Variants in DMD observed in about 807,000 individuals in gnomAD.
DMD encodes mutant dystrophin.
DMD carries 63 observed loss-of-function variants against 330.1 expected under a neutral mutation model. The ratio of observed to expected loss-of-function variants is 0.19; its 90% CI spans 0.16 to 0.24. The LOEUF (loss-of-function observed/expected upper bound fraction) is 0.24, where lower values mean the gene tolerates loss of function less well. DMD is among the 10% of genes least tolerant of loss of function. The pLI, the probability that DMD is intolerant of heterozygous loss-of-function variation, is 1.00. For synonymous variants in DMD, 1,223 were observed against 959.8 expected (o/e 1.27, Z -5.07); for missense variants, 3,344 against 2,684.1 (o/e 1.25, Z -5.43).
chrX:32,928,801 C>G (rs963831477), intron 2 of DMD, among the ~76,000 whole-genome samples: 4 of 111,842 alleles, frequency 3.6e-5, no homozygotes, highest in African/African-American at 1.3e-4. Flanking sequence ...TGCTTACAAT[C>G]AGATATTCTC....
rs754849100 is a variant in DMD, at chrX:31,893,317, T to C, written c.6913-17944A>G. 3.6e-5 allele frequency among the ~76,000 whole-genome samples: 4 copies of C among 111,236 alleles called. No individual in the cohort carries two copies. In the East Asian group the frequency reaches 1.1e-3, roughly 32 times the overall value. On this transcript the variant is annotated intron_variant, in intron 47 of 78. Coordinates refer to ENST00000357033, the MANE Select transcript of DMD (RefSeq NM_004006.3). ...TGAAAAGAAGCAACCTTACGTATGT[T>C]AATCCCATGTGGTTAATTTCTGGCC...
Position 32,393,034 on chromosome X carries a change from A to G in DMD, c.4234-2853T>C, listed in dbSNP as rs1379325373. Among the ~76,000 whole-genome samples, 10 of 112,380 alleles carry G rather than the reference A, an allele frequency of 8.9e-5. 1 individual carries two copies. The highest frequency in any genetic ancestry group is 8.5e-4 in the Admixed American group (9 of 10,585). Reference sequence around the variant, plus strand: ...AGAACCATCCAGGTGAGCTTTCTCAACACGCAAAACCATTAGTGGGAATAA... The same window carrying G: ...AGAACCATCCAGGTGAGCTTTCTCAGCACGCAAAACCATTAGTGGGAATAA... On this transcript the variant is annotated intron_variant, in intron 30 of 78. Transcript: ENST00000357033.
At chrX:32,805,703 C>A (rs920945955) in intron 7 of DMD, among the ~76,000 whole-genome samples, 4 of 111,782 alleles carry the variant, frequency 3.6e-5, no homozygotes, top group Non-Finnish European at 7.5e-5. Flanking sequence ...TCGGCTTACC[C>A]ACAAAGGGAA....
At chrX:32,331,388 T>C (rs753195605) in intron 41 of DMD, among the ~76,000 whole-genome samples, 1 of 112,006 alleles carries the variant, frequency 8.9e-6, no homozygotes, top group African/African-American at 3.2e-5. Context: ...AAATGAGTTA[T>C]ATTTTTTTAA....
intron 63 of DMD, among the ~76,000 whole-genome samples, chrX:31,226,144 C>T (rs1448430148): frequency 9.0e-6 from 1 of 111,723 alleles, no homozygotes; most frequent in Non-Finnish European, 1.9e-5. Context: ...TCTCAGGCCC[C>T]ACCCAGATCT....
At chrX:32,685,178 G>T (rs1344216040) in intron 9 of DMD, among the ~76,000 whole-genome samples, 4 of 110,918 alleles carry the variant, frequency 3.6e-5, no homozygotes, top group Admixed American at 1.9e-4. Flanking sequence ...ACTATTTGAG[G>T]TACCAAATAG....
chrX:31,569,725 C>G (rs2075712804), intron 55 of DMD, among the ~76,000 whole-genome samples: 1 of 103,116 alleles, frequency 9.7e-6, no homozygotes, highest in South Asian at 4.2e-4. Flanking sequence ...TAACTAACAT[C>G]TTACTAATTC....
At chrX:31,239,267 G>C (rs748571811) in intron 63 of DMD, among the ~76,000 whole-genome samples, 1 of 111,737 alleles carries the variant, frequency 8.9e-6, no homozygotes, top group Non-Finnish European at 1.9e-5. Context: ...ATGGTTACTG[G>C]GCAACCAGGA....
intron 34 of DMD, among the ~76,000 whole-genome samples, chrX:32,370,222 T>G (rs976157827): frequency 4.8e-5 from 2 of 41,936 alleles, no homozygotes; most frequent in Non-Finnish European, 1.2e-4. Flanking sequence ...TGGTAGTGTT[T>G]TTTTTTTTTT....
At chrX:32,205,005 T>TCTCTCTCACAAACA (rs60181300) in intron 44 of DMD, among the ~76,000 whole-genome samples, 1 of 29,234 alleles carries the variant, frequency 3.4e-5, no homozygotes, top group South Asian at 2.1e-3. Context: ...TCTCTCTCTC[T>TCTCTCTCACAAACA]CACATACACA....
intron 2 of DMD, among the ~76,000 whole-genome samples, chrX:32,881,337 T>A (rs2083922634): frequency 8.9e-6 from 1 of 112,912 alleles, no homozygotes; most frequent in Non-Finnish European, 1.9e-5. Context: ...TTTCTTTCTG[T>A]GAAGACAATT....
chrX:32,679,345 T>C (rs181373204), intron 9 of DMD, among the ~76,000 whole-genome samples: 30 of 111,442 alleles, frequency 2.7e-4, no homozygotes, highest in Admixed American at 1.1e-3. Context: ...TGGTTTTTTT[T>C]TTTGTGAAAA....
At chrX:32,256,312 G>GTTTTTTTTTT (rs34367828) in intron 43 of DMD, among the ~76,000 whole-genome samples, 1 of 102,420 alleles carries the variant, frequency 9.8e-6, no homozygotes, top group African/African-American at 3.6e-5. Flanking sequence ...TGTAACCCCT[G>GTTTTTTTTTT]TTTTTTTTTT....
At chrX:31,480,491 A>C (rs1315862017) in intron 57 of DMD, among the ~76,000 whole-genome samples, 3 of 107,341 alleles carry the variant, frequency 2.8e-5, no homozygotes, top group African/African-American at 1.0e-4. Context: ...TAGATACGTG[A>C]GTTATTTACT....
intron 1 of DMD, among the ~76,000 whole-genome samples, chrX:33,322,281 C>T (rs1349704369): frequency 9.1e-6 from 1 of 110,182 alleles, no homozygotes; most frequent in African/African-American, 3.3e-5. Flanking sequence ...TGAGACTCTT[C>T]CTTTCACTTG....
intron 76 of DMD, among the ~76,000 whole-genome samples, chrX:31,135,165 A>G (rs145839759): frequency 2.3e-4 from 2 of 8,593 alleles, no homozygotes; most frequent in African/African-American, 1.1e-3. Context: ...CTATGTAATA[A>G]AATAAGTATT....
intron 49 of DMD, among the ~76,000 whole-genome samples, chrX:31,834,691 C>T (rs2093154805): frequency 9.0e-6 from 1 of 111,571 alleles, no homozygotes; most frequent in Non-Finnish European, 1.9e-5. Context: ...CCGCCTGCCT[C>T]GGCCTCGCAA....
At chrX:33,177,105 C>T (rs2049709549) in intron 1 of DMD, among the ~76,000 whole-genome samples, 1 of 111,726 alleles carries the variant, frequency 9.0e-6, no homozygotes, top group African/African-American at 3.3e-5. Context: ...CTGATCTCAC[C>T]TTGTGGCAAA....
At chrX:33,132,713 C>T (rs2095506239) in intron 1 of DMD, among the ~76,000 whole-genome samples, 1 of 112,638 alleles carries the variant, frequency 8.9e-6, no homozygotes, top group Admixed American at 9.4e-5. Flanking sequence ...AGACAATCAA[C>T]ACTCAGGCTC....
Sources: gnomAD v4.1 joint callset for allele counts (sites outside exome capture counted in the v4.1 genomes callset) on GRCh38, gnomAD v4.1.1 for gene constraint, MANE v1.5 for transcripts, NCBI Gene and HGNC (gene_info 2026-07-23, HGNC 2026-07-21) for gene names.